Variants in PCDHA8 observed in about 807,000 individuals in gnomAD.
PCDHA8 encodes the protein protocadherin alpha-8.
In PCDHA8, 53 loss-of-function variants were observed where a neutral mutation model predicts 61.8. The ratio of observed to expected loss-of-function variants is 0.86; its 90% confidence interval spans 0.69 to 1.08. PCDHA8 has a LOEUF of 1.08. PCDHA8 is among the 50% of genes least tolerant of loss of function. The pLI is 0.00. For missense variants in PCDHA8, 1,293 were observed against 1,245.0 expected, an observed-to-expected ratio of 1.04 and a Z score of -0.58; for synonymous variants, 618 against 556.6, an observed-to-expected ratio of 1.11 and a Z score of -1.55.
chr5:141,003,308 A>C (rs2098118679), intron 3 of PCDHA8, among the ~76,000 whole-genome samples: 1 of 152,200 alleles, frequency 6.6e-6, no homozygotes, highest in Non-Finnish European at 1.5e-5. Context: ...TGAAGTGGCC[A>C]GCTACTTCCA....
At chr5:140,884,230 CG>C in intron 1 of PCDHA8, 2 of 1,613,384 alleles carry the variant, frequency 1.2e-6, no homozygotes, top group Non-Finnish European at 1.7e-6. Flanking sequence ...TGAAGGACCA[CG>C]GTGAGCCCGC....
intron 1 of PCDHA8, among the ~76,000 whole-genome samples, chr5:140,913,757 T>C (rs577091404): frequency 6.6e-6 from 1 of 152,282 alleles, no homozygotes; most frequent in South Asian, 2.1e-4. Context: ...TTGTATCTCA[T>C]AGGTTTTGGC....
At chr5:140,944,865 T>G (rs1227128611) in intron 1 of PCDHA8, among the ~76,000 whole-genome samples, 3 of 152,166 alleles carry the variant, frequency 2.0e-5, no homozygotes, top group Non-Finnish European at 4.4e-5. Flanking sequence ...TTATTTATCT[T>G]AACCACCTAC....
intron 1 of PCDHA8, among the ~76,000 whole-genome samples, chr5:140,925,685 G>A (rs1584406507): frequency 7.3e-6 from 1 of 137,694 alleles, no homozygotes; most frequent in South Asian, 2.3e-4. Flanking sequence ...ATAAAGCGAG[G>A]GTGGGTATCT....
intron 1 of PCDHA8, chr5:140,969,054 A>G (rs782226153): frequency 6.2e-7 from 1 of 1,614,182 alleles, no homozygotes; most frequent in South Asian, 1.1e-5. Context: ...GCCAACAACA[A>G]TATTGATGCC....
Position 140,857,707 on chromosome 5 carries a change from C to T in PCDHA8, c.2394+13992C>T, listed in dbSNP as rs1554150544. Reference sequence around the variant, plus strand: ...GCAGCAACTTGACGCTGCAGGTGTTCGTGCTGGACGAGAACGACAACGCTC... The same window carrying T: ...GCAGCAACTTGACGCTGCAGGTGTTTGTGCTGGACGAGAACGACAACGCTC... On this transcript the variant is annotated intron_variant, in intron 1 of 3. Coordinates refer to ENST00000531613, the MANE Select transcript of PCDHA8 (RefSeq NM_018911.3). 3.1e-6 allele frequency: 5 copies of T among 1,597,080 alleles called. 1 individual carries two copies. Among genetic ancestry groups the T allele is most frequent in the East Asian group, 2.2e-5 (1 of 44,802 alleles).
At chr5:140,923,306 C>A (rs572766829) in intron 1 of PCDHA8, among the ~76,000 whole-genome samples, 1 of 152,216 alleles carries the variant, frequency 6.6e-6, no homozygotes, top group South Asian at 2.1e-4. Context: ...GGCGTGGGGG[C>A]GCTTGGCCTA....
intron 1 of PCDHA8, chr5:140,858,387 T>C (rs1260966424): frequency 1.9e-6 from 3 of 1,582,118 alleles, no homozygotes; most frequent in Admixed American, 1.8e-5. Flanking sequence ...TGCCCAATGG[T>C]AGATGTGGAC....
rs2098417470 is a variant in PCDHA8, at chr5:141,010,504, A to G, written c.*567A>G. On this transcript the variant is annotated 3_prime_UTR_variant, in exon 4 of 4. Coordinates refer to ENST00000531613, the MANE Select transcript of PCDHA8 (RefSeq NM_018911.3). ...AACTTAAAGGGACCAGACTTTCTAA[A>G]TCTTACAACTCAAGAGGTGGCAGCC... 3.6e-6 allele frequency: 2 copies of G among 549,616 alleles called. No homozygotes were observed. The allele number at this position is 549,616 out of a possible 1,614,324, so 34.0% of individuals were successfully genotyped here.
At chr5:140,885,462 G>T (rs890056404) in intron 1 of PCDHA8, among the ~76,000 whole-genome samples, 3 of 152,070 alleles carry the variant, frequency 2.0e-5, no homozygotes, top group African/African-American at 7.2e-5. Context: ...ACCTAATGAT[G>T]GGCAATCACT....
Position 140,851,565 on chromosome 5 carries a change from G to T in PCDHA8, c.2394+7850G>T, listed in dbSNP as rs558874725. Reference sequence around the variant, plus strand: ...TTCAAGAAATGTTGACTGAAATTTTGTCTACACTTAGAACATTTTTTGAAA... The same window carrying T: ...TTCAAGAAATGTTGACTGAAATTTTTTCTACACTTAGAACATTTTTTGAAA... On this transcript the variant is annotated intron_variant, in intron 1 of 3. Transcript: ENST00000531613. The T allele has an allele frequency of 3.3e-6, 3 of 908,000 alleles. No homozygotes were observed. In the African/African-American group the frequency reaches 5.4e-5, roughly 16 times the overall value. 56.2% of individuals were successfully genotyped at this position (908,000 alleles called of 1,614,324 possible).
intron 1 of PCDHA8, chr5:140,927,923 C>G: frequency 1.2e-6 from 2 of 1,614,232 alleles, no homozygotes; most frequent in Non-Finnish European, 1.7e-6. Context: ...GACTTCCTGA[C>G]TCTTTCGAAC....
At chr5:140,953,333 G>T (rs1164031991) in intron 1 of PCDHA8, among the ~76,000 whole-genome samples, 1 of 151,962 alleles carries the variant, frequency 6.6e-6, no homozygotes, top group East Asian at 1.9e-4. Flanking sequence ...TAGAATTTAG[G>T]GCTCACCTTC....
chr5:140,858,019 G>C (rs377389644), intron 1 of PCDHA8: 2 of 1,596,850 alleles, frequency 1.3e-6, no homozygotes, highest in Non-Finnish European at 1.7e-6. Flanking sequence ...GCGAGCCGTC[G>C]CTGACGGCCA....
chr5:140,904,707 C>T (rs561558058), intron 1 of PCDHA8, among the ~76,000 whole-genome samples: 1 of 152,244 alleles, frequency 6.6e-6, no homozygotes, highest in African/African-American at 2.4e-5. Context: ...TCCCTTTTCA[C>T]CACATTCTGG....
Position 140,843,592 on chromosome 5 carries a change from G to C in PCDHA8, c.2271G>C (p.Arg757Ser). 6.3e-7 allele frequency: 1 copy of C among 1,596,002 alleles called. No homozygotes were observed. The highest frequency in any genetic ancestry group is 1.3e-5 in the African/African-American group (1 of 74,518). ...CATACTCGCAACAACAGCCGCAGAG[G>C]GTGTGCTCTGGTGAGGGGCCACCGA... ...SWSYSQQQPQ[R>S]VCSGEGPPKT... Residue 757 changes from arginine to serine, a missense_variant, in exon 1 of 4, where the codon AGG becomes AGC. Coordinates refer to ENST00000531613, the MANE Select transcript of PCDHA8 (RefSeq NM_018911.3).
chr5:141,010,499 T>C lies in PCDHA8; in HGVS notation c.*562T>C. ...GTGTAAACTTAAAGGGACCAGACTTTCTAAATCTTACAACTCAAGAGGTGG... is the reference window on the plus strand; with the variant it reads ...GTGTAAACTTAAAGGGACCAGACTTCCTAAATCTTACAACTCAAGAGGTGG... On this transcript the variant is annotated 3_prime_UTR_variant, in exon 4 of 4. Coordinates refer to ENST00000531613, the MANE Select transcript of PCDHA8 (RefSeq NM_018911.3). 1.7e-6 allele frequency: 1 copy of C among 586,170 alleles called. No individual in the cohort carries two copies. Among genetic ancestry groups the C allele is most frequent in the Non-Finnish European group, 2.7e-6 (1 of 372,458 alleles). 36.3% of individuals were successfully genotyped at this position (586,170 alleles called of 1,614,324 possible).
intron 3 of PCDHA8, among the ~76,000 whole-genome samples, chr5:140,985,532 G>C (rs1358120172): frequency 6.6e-6 from 1 of 152,072 alleles, no homozygotes; most frequent in African/African-American, 2.4e-5. Flanking sequence ...AAAGCTTCAC[G>C]GTGAAGATGC....
intron 1 of PCDHA8, among the ~76,000 whole-genome samples, chr5:140,972,725 G>A (rs985697414): frequency 2.7e-5 from 4 of 146,408 alleles, no homozygotes; most frequent in African/African-American, 7.7e-5. Context: ...GTGCAGTGGC[G>A]TAATCCCGGC....
Sources: allele counts gnomAD v4.1 joint callset (sites outside exome capture counted in the v4.1 genomes callset), GRCh38; gene constraint gnomAD v4.1.1; transcripts MANE v1.5; gene names NCBI Gene and HGNC (gene_info 2026-07-23, HGNC 2026-07-21).